ASAP1: variants seen among roughly 807,000 people sequenced by gnomAD.
ASAP1 encodes the protein ArfGAP with SH3 domain, ankyrin repeat and PH domain 1, also known as arf-GAP with SH3 domain, ANK repeat and PH domain-containing protein 1.
A neutral mutation model predicts 145.2 loss-of-function variants in ASAP1; 43 were observed. That is an observed-to-expected ratio of 0.30 (90% CI 0.23 to 0.38). ASAP1 has a LOEUF of 0.38. ASAP1 is among the 10% of genes least tolerant of loss of function. The pLI, the probability that ASAP1 is intolerant of heterozygous loss-of-function variation, is 1.00. For synonymous variants in ASAP1, 546 were observed against 515.5 expected (o/e 1.06, Z -0.80); for missense variants, 1,018 against 1,355.3 (o/e 0.75, Z 3.91).
intron 2 of ASAP1, among the ~76,000 whole-genome samples, chr8:130,397,633 A>G (rs1265034867): frequency 6.6e-6 from 1 of 152,204 alleles, no homozygotes; most frequent in Non-Finnish European, 1.5e-5. Context: ...AGTGCCAGTT[A>G]AGCAAAGGAT....
intron 3 of ASAP1, chr8:130,246,854 T>C (rs1261043148): frequency 6.6e-6 from 1 of 152,188 alleles, no homozygotes; most frequent in African/African-American, 2.4e-5. Flanking sequence ...ACCTAATCAG[T>C]AGAATCCTTG....
intron 9 of ASAP1, among the ~76,000 whole-genome samples, chr8:130,172,010 A>C (rs767527794): frequency 4.6e-5 from 7 of 152,238 alleles, no homozygotes; most frequent in East Asian, 1.9e-4. Flanking sequence ...ACAACAGAAG[A>C]AGCAATGGCT....
chr8:130,260,913 CT>C (rs1230149958), intron 3 of ASAP1, among the ~76,000 whole-genome samples: 10 of 152,136 alleles, frequency 6.6e-5, no homozygotes, highest in African/African-American at 2.4e-4. Flanking sequence ...ACCAAATTTG[CT>C]TTTCCCCCCC....
chr8:130,299,543 G>A (rs1326772174), intron 3 of ASAP1, among the ~76,000 whole-genome samples: 2 of 152,184 alleles, frequency 1.3e-5, no homozygotes, highest in Non-Finnish European at 2.9e-5. Context: ...TGTCAGCTAG[G>A]AAACGATGAT....
chr8:130,076,873 G>C (rs2097463590), intron 26 of ASAP1, among the ~76,000 whole-genome samples: 1 of 152,048 alleles, frequency 6.6e-6, no homozygotes, highest in Admixed American at 6.6e-5. Flanking sequence ...AGTTTGCCTG[G>C]CTGAGGAGGC....
chr8:130,139,302 A>G (rs926207658), intron 13 of ASAP1, among the ~76,000 whole-genome samples: 6 of 152,212 alleles, frequency 3.9e-5, no homozygotes, highest in African/African-American at 1.4e-4. Context: ...TCAGATGAAA[A>G]GAAATACACT....
chr8:130,142,977 C>A (rs368709007), intron 13 of ASAP1, among the ~76,000 whole-genome samples: 1 of 152,092 alleles, frequency 6.6e-6, no homozygotes, highest in African/African-American at 2.4e-5. Context: ...ATTAGAGCTA[C>A]GTACGGTAGT....
intron 2 of ASAP1, among the ~76,000 whole-genome samples, chr8:130,379,227 G>A (rs1173013780): frequency 6.6e-6 from 1 of 152,160 alleles, no homozygotes; most frequent in Non-Finnish European, 1.5e-5. Context: ...AGGGCATGGA[G>A]ACTGTACCAC....
chr8:130,118,964 T>A (rs927342013), intron 18 of ASAP1, among the ~76,000 whole-genome samples: 2 of 152,208 alleles, frequency 1.3e-5, no homozygotes. Context: ...CAACTATTTA[T>A]AAATACTTCA....
chr8:130,229,644 G>C (rs1250578015), intron 4 of ASAP1, among the ~76,000 whole-genome samples: 1 of 152,160 alleles, frequency 6.6e-6, no homozygotes, highest in Non-Finnish European at 1.5e-5. Flanking sequence ...ACAAATGGCA[G>C]CTATATTTAT....
At chr8:130,098,550 T>C (rs1242249412) in intron 24 of ASAP1, among the ~76,000 whole-genome samples, 1 of 152,104 alleles carries the variant, frequency 6.6e-6, no homozygotes, top group Non-Finnish European at 1.5e-5. Context: ...TTCACCATGT[T>C]GGCCACCTAG....
intron 4 of ASAP1, among the ~76,000 whole-genome samples, chr8:130,235,579 A>T (rs1188994490): frequency 6.6e-6 from 1 of 152,236 alleles, no homozygotes; most frequent in Non-Finnish European, 1.5e-5. Context: ...TTAGGTATAT[A>T]ACTTAGGCCA....
intron 25 of ASAP1, among the ~76,000 whole-genome samples, chr8:130,081,608 C>T (rs1348780884): frequency 6.6e-6 from 1 of 152,198 alleles, no homozygotes; most frequent in Non-Finnish European, 1.5e-5. Flanking sequence ...CTAACTGATC[C>T]TCACTACACT....
intron 1 of ASAP1, among the ~76,000 whole-genome samples, chr8:130,441,220 G>A (rs1830477973): frequency 6.6e-6 from 1 of 152,316 alleles, no homozygotes; most frequent in East Asian, 1.9e-4. Context: ...ATGTTTCACT[G>A]GATGCATGAA....
At chr8:130,353,274 G>T (rs902903703) in intron 3 of ASAP1, among the ~76,000 whole-genome samples, 1 of 152,120 alleles carries the variant, frequency 6.6e-6, no homozygotes, top group African/African-American at 2.4e-5. Flanking sequence ...CCAAAAATGT[G>T]TTGAACAAAT....
chr8:130,334,159 A>C (rs1246741656), intron 3 of ASAP1, among the ~76,000 whole-genome samples: 1 of 152,110 alleles, frequency 6.6e-6, no homozygotes, highest in African/African-American at 2.4e-5. Flanking sequence ...AAGGCAGAGG[A>C]CTCTAGGTGC....
At chr8:130,306,825 A>G (rs952869507) in intron 3 of ASAP1, among the ~76,000 whole-genome samples, 3 of 152,166 alleles carry the variant, frequency 2.0e-5, no homozygotes, top group Non-Finnish European at 2.9e-5. Context: ...TCTTATCTCT[A>G]TGGTGCTTTT....
chr8:130,113,884 T>C (rs1226029542), intron 23 of ASAP1, among the ~76,000 whole-genome samples: 1 of 151,644 alleles, frequency 6.6e-6, no homozygotes, highest in Non-Finnish European at 1.5e-5. Flanking sequence ...TGGGCTCAGG[T>C]GATTCTCCCA....
chr8:130,074,486 C>CACACAGAGAG (rs5895034), intron 27 of ASAP1, among the ~76,000 whole-genome samples: 3 of 140,586 alleles, frequency 2.1e-5, no homozygotes, highest in Non-Finnish European at 3.1e-5. Flanking sequence ...CACACACACA[C>CACACAGAGAG]AGAGAGAACG....
Sources: allele counts gnomAD v4.1 joint callset (sites outside exome capture counted in the v4.1 genomes callset), GRCh38; gene constraint gnomAD v4.1.1; transcripts MANE v1.5; gene names NCBI Gene and HGNC (gene_info 2026-07-23, HGNC 2026-07-21).